CPED1: variants seen among roughly 807,000 people sequenced by gnomAD.
CPED1 encodes cadherin-like and PC-esterase domain-containing protein 1.
A neutral mutation model predicts 128.2 loss-of-function variants in CPED1; 114 were observed. That is an observed-to-expected ratio of 0.89 (90% confidence interval 0.76 to 1.04). The LOEUF (loss-of-function observed/expected upper bound fraction) is 1.04. Ranked by LOEUF, CPED1 falls within the 50% of genes least tolerant of loss-of-function variation. The pLI is 0.00. For missense variants in CPED1, 1,211 were observed against 1,207.1 expected (o/e 1.00, Z -0.05); for synonymous variants, 462 against 426.7 (o/e 1.08, Z -1.02).
At chr7:120,994,657 G>GTGTGTGTTGTTGT (rs148572524) in intron 2 of CPED1, among the ~76,000 whole-genome samples, 102 of 149,302 alleles carry the variant, frequency 6.8e-4, no homozygotes, top group African/African-American at 2.2e-3. Context: ...GTGTGTGTGT[G>GTGTGTGTTGTTGT]TGTTGTTGTT....
At chr7:121,256,748 CA>C (rs1262548241) in intron 18 of CPED1, among the ~76,000 whole-genome samples, 1 of 151,820 alleles carries the variant, frequency 6.6e-6, no homozygotes, top group Non-Finnish European at 1.5e-5. Context: ...ATTGTTCTGC[CA>C]AAAAGACGCA....
chr7:121,027,123 G>A (rs1792612621), intron 3 of CPED1, among the ~76,000 whole-genome samples: 1 of 151,546 alleles, frequency 6.6e-6, no homozygotes, highest in Non-Finnish European at 1.5e-5. Flanking sequence ...TTACAGACGT[G>A]AACCATCTCG....
chr7:121,022,041 G>GA (rs930663173), intron 3 of CPED1, among the ~76,000 whole-genome samples: 3 of 151,540 alleles, frequency 2.0e-5, no homozygotes, highest in Admixed American at 6.6e-5. Context: ...TATTCCCTTG[G>GA]AAAAATCTCA....
intron 4 of CPED1, among the ~76,000 whole-genome samples, chr7:121,064,010 C>T (rs1160951264): frequency 6.6e-6 from 1 of 152,050 alleles, no homozygotes; most frequent in Non-Finnish European, 1.5e-5. Context: ...AAAGTGATCC[C>T]AAGGACCACT....
chr7:121,207,755 G>C (rs1305206262), intron 16 of CPED1, among the ~76,000 whole-genome samples: 1 of 151,978 alleles, frequency 6.6e-6, no homozygotes, highest in East Asian at 1.9e-4. Flanking sequence ...AGCACAATAG[G>C]TCTGATAAAA....
intron 5 of CPED1, among the ~76,000 whole-genome samples, chr7:121,080,977 T>C (rs1027339024): frequency 1.3e-5 from 2 of 152,160 alleles, no homozygotes; most frequent in Admixed American, 6.6e-5. Flanking sequence ...CAACATATCA[T>C]CAATATTAGA....
intron 17 of CPED1, among the ~76,000 whole-genome samples, 190 bp downstream of exon 17, chr7:121,237,021 T>G (rs1798275162): frequency 6.6e-6 from 1 of 152,176 alleles, no homozygotes; most frequent in African/African-American, 2.4e-5. Context: ...ATCAATTATT[T>G]TCTTCTCCCC....
chr7:121,269,879 A>T (rs148379379), intron 21 of CPED1, among the ~76,000 whole-genome samples: 1 of 152,102 alleles, frequency 6.6e-6, no homozygotes, highest in South Asian at 2.1e-4. Flanking sequence ...TGTTCTGCAG[A>T]CTATACAAGA....
At chr7:121,220,576 A>G (rs1584607576) in intron 16 of CPED1, among the ~76,000 whole-genome samples, 1 of 152,056 alleles carries the variant, frequency 6.6e-6, no homozygotes, top group East Asian at 1.9e-4. Context: ...GTAATTTGTC[A>G]CAGTTGCCCT....
At chr7:121,132,549 C>A (rs2116340469) in intron 12 of CPED1, among the ~76,000 whole-genome samples, 2 of 152,154 alleles carry the variant, frequency 1.3e-5, no homozygotes, top group East Asian at 3.9e-4. Context: ...TCCTGAGGCT[C>A]AAAATCCAGA....
intron 16 of CPED1, among the ~76,000 whole-genome samples, chr7:121,192,387 T>C (rs1289297416): frequency 2.0e-5 from 3 of 152,288 alleles, no homozygotes; most frequent in Non-Finnish European, 4.4e-5. Context: ...TTACTGCAGA[T>C]ATTCCAAAAT....
intron 2 of CPED1, chr7:120,993,931 C>T (rs1796349462): frequency 3.2e-6 from 1 of 316,850 alleles, no homozygotes; most frequent in African/African-American, 2.2e-5. Context: ...AGGGCAGCCA[C>T]TAGAGAAGCT....
intron 2 of CPED1, among the ~76,000 whole-genome samples, chr7:121,014,058 G>T (rs1204080898): frequency 6.6e-6 from 1 of 152,172 alleles, no homozygotes; most frequent in Non-Finnish European, 1.5e-5. Flanking sequence ...TTCCGTAAGA[G>T]ATAATGTTTG....
intron 16 of CPED1, among the ~76,000 whole-genome samples, chr7:121,163,691 A>T (rs1796461575): frequency 6.6e-6 from 1 of 152,210 alleles, no homozygotes; most frequent in African/African-American, 2.4e-5. Context: ...ATAGTATAGG[A>T]TTCCCTCTAA....
intron 5 of CPED1, among the ~76,000 whole-genome samples, chr7:121,088,347 G>A (rs779082025): frequency 6.6e-6 from 1 of 152,028 alleles, no homozygotes; most frequent in African/African-American, 2.4e-5. Context: ...AGAAAACTTG[G>A]AAGAATATCC....
chr7:121,218,238 G>T (rs551206034), intron 16 of CPED1, among the ~76,000 whole-genome samples: 28 of 149,416 alleles, frequency 1.9e-4, no homozygotes, highest in Non-Finnish European at 3.6e-4. Flanking sequence ...CAGGTGATTT[G>T]TCCGTCTTGG....
intron 18 of CPED1, 119 bp from the exon 19 acceptor site, chr7:121,266,108 G>A: frequency 1.4e-6 from 1 of 713,664 alleles, no homozygotes; most frequent in Non-Finnish European, 2.4e-6. Context: ...ACAATTTGAA[G>A]GGCTGTCCTT....
intron 16 of CPED1, among the ~76,000 whole-genome samples, chr7:121,225,550 C>A (rs542790182): frequency 6.6e-6 from 1 of 152,270 alleles, no homozygotes; most frequent in South Asian, 2.1e-4. Context: ...GGAAATTCTC[C>A]TGGATAATAT....
chr7:121,113,007 A>G (rs1795150107), intron 7 of CPED1, among the ~76,000 whole-genome samples: 1 of 152,190 alleles, frequency 6.6e-6, no homozygotes, highest in Non-Finnish European at 1.5e-5. Flanking sequence ...CTAAAAGAGA[A>G]GTAAGTTTAT....
Sources: allele counts gnomAD v4.1 joint callset (sites outside exome capture counted in the v4.1 genomes callset), GRCh38; gene constraint gnomAD v4.1.1; transcripts MANE v1.5; gene names NCBI Gene and HGNC (gene_info 2026-07-23, HGNC 2026-07-21).